REPS1: variants seen among roughly 807,000 people sequenced by gnomAD.
The protein encoded by REPS1 is RALBP1 associated Eps domain containing 1.
REPS1 carries 39 observed loss-of-function variants against 100.9 expected under a neutral mutation model. The observed-to-expected ratio is 0.39, with a 90% CI of 0.30 to 0.50. REPS1 has a LOEUF of 0.50. Ranked by LOEUF, REPS1 falls within the 20% of genes least tolerant of loss-of-function variation. The pLI, the probability that REPS1 is intolerant of heterozygous loss-of-function variation, is 0.86. For synonymous variants in REPS1, 324 were observed against 340.3 expected, an observed-to-expected ratio of 0.95 and a Z score of 0.53; for missense variants, 821 against 968.5, an observed-to-expected ratio of 0.85 and a Z score of 2.02.
At chr6:138,947,082 G>A (rs1357150409) in intron 2 of REPS1, among the ~76,000 whole-genome samples, 1 of 133,294 alleles carries the variant, frequency 7.5e-6, no homozygotes, top group African/African-American at 3.2e-5. Flanking sequence ...CTCTCCTGTG[G>A]CCACATAAGA....
At chr6:138,925,175 G>A (rs192651845) in intron 10 of REPS1, among the ~76,000 whole-genome samples, 174 of 133,366 alleles carry the variant, frequency 1.3e-3, no homozygotes, top group African/African-American at 4.6e-3. Flanking sequence ...GTGAAACCCC[G>A]CCTCTACTAA....
intron 1 of REPS1, among the ~76,000 whole-genome samples, chr6:138,986,585 T>A (rs1013325091): frequency 6.6e-6 from 1 of 152,204 alleles, no homozygotes; most frequent in Admixed American, 6.5e-5. Flanking sequence ...CATACACCTA[T>A]ACATGTGGCT....
At chr6:138,907,440 T>C (rs190987569) in intron 19 of REPS1, 55 bp downstream of exon 19, 9 of 1,261,076 alleles carry the variant, frequency 7.1e-6, no homozygotes, top group East Asian at 7.0e-5. Flanking sequence ...ATTCCTTCTC[T>C]TTAGGTTTCT....
Position 138,945,635 on chromosome 6 carries a change from C to G in REPS1, c.340G>C (p.Ala114Pro), listed in dbSNP as rs143348359. Residue 114 changes from alanine (A) to proline (P), a missense_variant, in exon 3 of 20, where the codon GCC becomes CCC. Physicochemically the swap from Ala to Pro is conservative, Grantham distance 27 (BLOSUM62 -1). This residue lies in a region of REPS1 where 757 missense variants were observed against 866.4 expected (regional missense o/e 0.87). Transcript: ENST00000450536. ...TTTTCAGAATCTGAAGAATATGAGG[C>G]TGCATGGCGAGATTCCTGTTCATTC... is the stretch of plus-strand genomic sequence containing the variant. ...SKNEQESRHA[A>P]SYSSDSENQG... 2 of 1,613,472 alleles carry G rather than the reference C, an allele frequency of 1.2e-6. No homozygotes were observed. The highest frequency in any genetic ancestry group is 1.7e-6 in the Non-Finnish European group (2 of 1,179,746).
At chr6:138,945,814 G>A (rs1782576023) in intron 2 of REPS1, 117 bp from the exon 3 acceptor site, 2 of 794,826 alleles carry the variant, frequency 2.5e-6, no homozygotes, top group East Asian at 3.1e-5. Flanking sequence ...AGAAACAAGA[G>A]GCACAAAATG....
intron 1 of REPS1, among the ~76,000 whole-genome samples, chr6:138,980,536 T>C (rs1195971640): frequency 6.7e-6 from 1 of 148,422 alleles, no homozygotes; most frequent in Non-Finnish European, 1.5e-5. Context: ...AACACCTTAT[T>C]CTCCCTCCCC....
At chr6:138,977,255 T>C (rs1784646282) in intron 1 of REPS1, among the ~76,000 whole-genome samples, 1 of 152,224 alleles carries the variant, frequency 6.6e-6, no homozygotes, top group Non-Finnish European at 1.5e-5. Flanking sequence ...ATCTGCTATA[T>C]CTCTATAGAT....
intron 2 of REPS1, among the ~76,000 whole-genome samples, chr6:138,947,076 C>CTCTCTCTCTCTCTCTCTCTCTCT (rs754994209): frequency 2.0e-5 from 3 of 149,076 alleles, no homozygotes; most frequent in Admixed American, 1.3e-4. Context: ...CTCTCTCTCT[C>CTCTCTCTCTCTCTCTCTCTCTCT]CTGTGGCCAC....
chr6:138,934,204 G>T, intron 8 of REPS1: 1 of 382,216 alleles, frequency 2.6e-6, no homozygotes. Flanking sequence ...TCCGGAGGCA[G>T]GGGTGTAGTT....
intron 1 of REPS1, among the ~76,000 whole-genome samples, chr6:138,962,703 T>G (rs570478468): frequency 1.3e-5 from 2 of 152,254 alleles, no homozygotes; most frequent in East Asian, 3.9e-4. Flanking sequence ...AGGTTTCACC[T>G]TAAATGTCAT....
chr6:138,936,520 A>G (rs916491929), intron 8 of REPS1, among the ~76,000 whole-genome samples: 5 of 149,506 alleles, frequency 3.3e-5, no homozygotes, highest in African/African-American at 9.8e-5. Flanking sequence ...ATTCAACTGT[A>G]CTGATTTATC....
intron 1 of REPS1, among the ~76,000 whole-genome samples, chr6:138,969,971 T>A (rs971584829): frequency 1.6e-4 from 24 of 148,800 alleles, no homozygotes; most frequent in African/African-American, 6.0e-4. Flanking sequence ...GGGGTGCCAG[T>A]AGGTCAATGC....
intron 1 of REPS1, among the ~76,000 whole-genome samples, chr6:138,987,005 C>T (rs1785297962): frequency 6.6e-6 from 1 of 152,298 alleles, no homozygotes; most frequent in South Asian, 2.1e-4. Context: ...ACTTGTAAAA[C>T]TACTAAGTAG....
chr6:138,984,206 C>CT (rs1197628966), intron 1 of REPS1, among the ~76,000 whole-genome samples: 4 of 151,878 alleles, frequency 2.6e-5, no homozygotes, highest in Non-Finnish European at 5.9e-5. Context: ...GCCTCAGCCT[C>CT]TGGAGTAGCT....
chr6:138,933,445 ATAT>A (rs756510607), intron 8 of REPS1, among the ~76,000 whole-genome samples: 1 of 152,244 alleles, frequency 6.6e-6, no homozygotes, highest in Non-Finnish European at 1.5e-5. Flanking sequence ...GTGTAATAAA[ATAT>A]TATTCTTTTC....
intron 6 of REPS1, 87 bp downstream of exon 6, chr6:138,943,766 C>A: frequency 1.6e-6 from 2 of 1,228,010 alleles, no homozygotes; most frequent in Non-Finnish European, 2.3e-6. Flanking sequence ...TAATTAAAAT[C>A]TATGACCAAT....
intron 1 of REPS1, among the ~76,000 whole-genome samples, chr6:138,948,767 T>C (rs1249130034): frequency 6.6e-6 from 1 of 152,216 alleles, no homozygotes; most frequent in East Asian, 1.9e-4. Flanking sequence ...TATTTTTCCA[T>C]AACACTCAAA....
At chr6:138,947,403 T>C (rs2128478458) in intron 2 of REPS1, among the ~76,000 whole-genome samples, 1 of 152,292 alleles carries the variant, frequency 6.6e-6, no homozygotes, top group African/African-American at 2.4e-5. Flanking sequence ...AAATACAAAG[T>C]ATAATGTTGT....
At chr6:138,971,935 G>A (rs144179090) in intron 1 of REPS1, among the ~76,000 whole-genome samples, 77 of 152,270 alleles carry the variant, frequency 5.1e-4, no homozygotes, top group African/African-American at 1.9e-3. Context: ...AAAAGCTGCC[G>A]ATGTTTTCTA....
Sources: gnomAD v4.1 joint callset for allele counts (sites outside exome capture counted in the v4.1 genomes callset) on GRCh38, gnomAD v4.1.1 for gene constraint, gnomAD v4.1.1 regional missense constraint, MANE v1.5 for transcripts, NCBI Gene and HGNC (gene_info 2026-07-23, HGNC 2026-07-21) for gene names.